Variants in CNTNAP3 observed in about 807,000 individuals in gnomAD.
CNTNAP3 encodes contactin associated protein family member 3.
Under a neutral mutation model 92.1 loss-of-function variants are expected in CNTNAP3, and 36 were observed. The observed-to-expected ratio is 0.39, with a 90% CI of 0.30 to 0.52. The LOEUF is 0.52. CNTNAP3 is among the 20% of genes least tolerant of loss of function. The pLI is 0.76. For missense variants in CNTNAP3, 534 were observed against 1,069.6 expected, an observed-to-expected ratio of 0.50 and a Z score of 6.98; for synonymous variants, 232 against 422.3, an observed-to-expected ratio of 0.55 and a Z score of 5.53.
intron 3 of CNTNAP3, among the ~76,000 whole-genome samples, chr9:39,209,681 C>CCCCTTCCT (rs1163725692): frequency 1.1e-4 from 2 of 17,996 alleles, no homozygotes; most frequent in South Asian, 0.011. Flanking sequence ...CCCCCTTCTG[C>CCCCTTCCT]CCCTTCCTCC....
chr9:39,076,291 G>A (rs1187590353), intron 23 of CNTNAP3, among the ~76,000 whole-genome samples: 7 of 152,300 alleles, frequency 4.6e-5, no homozygotes, highest in African/African-American at 9.6e-5. Flanking sequence ...GAAACCTAGC[G>A]TGAAAATGTT....
intron 14 of CNTNAP3, among the ~76,000 whole-genome samples, chr9:39,117,436 C>A (rs559694683): frequency 4.6e-5 from 7 of 152,122 alleles, no homozygotes; most frequent in South Asian, 2.1e-4. Context: ...TCAAGAGTAA[C>A]CTCAAAAAGA....
At chr9:39,285,577 T>A (rs1823032380) in intron 1 of CNTNAP3, among the ~76,000 whole-genome samples, 1 of 50,504 alleles carries the variant, frequency 2.0e-5, no homozygotes, top group African/African-American at 4.4e-5. Context: ...GCTGGAGTGC[T>A]ATGGTGGGAT....
intron 13 of CNTNAP3, among the ~76,000 whole-genome samples, chr9:39,121,150 A>G (rs1821010112): frequency 6.7e-6 from 1 of 148,384 alleles, no homozygotes; most frequent in African/African-American, 2.6e-5. Flanking sequence ...AAAATAACAC[A>G]ACGAGAAATT....
intron 18 of CNTNAP3, among the ~76,000 whole-genome samples, chr9:39,098,575 T>C (rs1268687060): frequency 6.6e-6 from 1 of 152,198 alleles, no homozygotes; most frequent in Non-Finnish European, 1.5e-5. Context: ...GGATTGGGAA[T>C]GATTTAGAAA....
intron 15 of CNTNAP3, among the ~76,000 whole-genome samples, chr9:39,108,278 C>A (rs1026388219): frequency 6.6e-6 from 1 of 152,082 alleles, no homozygotes; most frequent in African/African-American, 2.4e-5. Flanking sequence ...CCGGTCCCCC[C>A]CCTCTCTGGG....
chr9:39,079,127 T>C (rs1292505235), intron 21 of CNTNAP3, among the ~76,000 whole-genome samples: 1 of 152,068 alleles, frequency 6.6e-6, no homozygotes, highest in Non-Finnish European at 1.5e-5. Context: ...GAAAGGCAGG[T>C]TTTTAACAGA....
chr9:39,141,918 T>C (rs559519071), intron 11 of CNTNAP3, among the ~76,000 whole-genome samples: 1 of 152,242 alleles, frequency 6.6e-6, no homozygotes, highest in Non-Finnish European at 1.5e-5. Flanking sequence ...TACAATTAAT[T>C]AGTTGCACAT....
intron 14 of CNTNAP3, among the ~76,000 whole-genome samples, chr9:39,111,093 C>A (rs1303374108): frequency 6.6e-6 from 1 of 152,064 alleles, no homozygotes; most frequent in African/African-American, 2.4e-5. Flanking sequence ...GGCACATGTG[C>A]TATTTTGATA....
At chr9:39,077,630 T>C (rs1175304088) in intron 23 of CNTNAP3, among the ~76,000 whole-genome samples, 7 of 150,186 alleles carry the variant, frequency 4.7e-5, no homozygotes, top group African/African-American at 1.7e-4. Context: ...GTCATGGGAG[T>C]ATCTAAATCA....
chr9:39,134,884 T>C (rs530186761), intron 12 of CNTNAP3, among the ~76,000 whole-genome samples: 1 of 152,328 alleles, frequency 6.6e-6, no homozygotes, highest in East Asian at 1.9e-4. Flanking sequence ...TGGCCATGTG[T>C]TCATGATTTG....
rs1826636846 is a variant in CNTNAP3, at chr9:39,107,500, T to C, written c.2365+1660A>G. ...TAAGAGTTTTACACTATGGGAATAATATAAAAACCAATTCAGTAAAATAAG... is the reference window on the plus strand; with the variant it reads ...TAAGAGTTTTACACTATGGGAATAACATAAAAACCAATTCAGTAAAATAAG... On this transcript the variant is annotated intron_variant, in intron 15 of 23. Coordinates refer to ENST00000297668, the MANE Select transcript of CNTNAP3 (RefSeq NM_033655.5). 6.6e-5 allele frequency among the ~76,000 whole-genome samples: 10 copies of C among 152,036 alleles called. No homozygotes were observed. In the South Asian group the frequency reaches 1.9e-3, roughly 28 times the overall value.
chr9:39,078,393 ACAG>A lies in CNTNAP3; in HGVS notation c.3734_3736del (p.Ala1245del), dbSNP rs1825838560. Reference sequence around the variant, plus strand: ...ATTCAGGGCCTTGTTACCTCCGATGACAGCAGAGTCTCTTCTGTCTGCATTAAC... The same window carrying A: ...ATTCAGGGCCTTGTTACCTCCGATGACAGAGTCTCTTCTGTCTGCATTAAC... On this transcript the variant is annotated inframe_deletion, in exon 23 of 24. Transcript: ENST00000297668. The A allele has an allele frequency of 6.2e-7, 1 of 1,611,994 alleles. No individual in the cohort carries two copies. The highest frequency in any genetic ancestry group is 1.3e-5 in the African/African-American group (1 of 74,878).
At chr9:39,102,165 A>G (rs1302615096) in intron 17 of CNTNAP3, among the ~76,000 whole-genome samples, 1 of 152,266 alleles carries the variant, frequency 6.6e-6, no homozygotes, top group Non-Finnish European at 1.5e-5. Flanking sequence ...CTGTAATCCC[A>G]GCTACTCAGG....
chr9:39,084,775 A>C (rs1826030169), intron 21 of CNTNAP3, among the ~76,000 whole-genome samples: 1 of 152,114 alleles, frequency 6.6e-6, no homozygotes, highest in Non-Finnish European at 1.5e-5. Context: ...ACAGTTGTTC[A>C]AAGTATAAAG....
At chr9:39,152,962 A>G (rs1821875859) in intron 9 of CNTNAP3, among the ~76,000 whole-genome samples, 1 of 110,748 alleles carries the variant, frequency 9.0e-6, no homozygotes, top group Non-Finnish European at 1.8e-5. Flanking sequence ...CACAGCGCCC[A>G]GCCAGGTTAT....
At position 39,071,829 on chromosome 9, in the gene CNTNAP3, AT is replaced by A. The variant is rs1825640862; in HGVS notation, c.*2060del. Among the ~76,000 whole-genome samples the A allele has an allele frequency of 7.5e-6, 1 of 133,210 alleles. No individual in the cohort carries two copies. The highest frequency in any genetic ancestry group is 1.6e-5 in the Non-Finnish European group (1 of 64,088). The allele number at this position is 133,210 out of a possible 152,430, so 87.4% of individuals were successfully genotyped here. On this transcript the variant is annotated 3_prime_UTR_variant, in exon 24 of 24. Coordinates refer to ENST00000297668, the MANE Select transcript of CNTNAP3 (RefSeq NM_033655.5). ...AAAGGAAAAATTTAACAGATGATAA[AT>A]ATCAAACCAAAAAAGTCAACAAATC...
At chr9:39,153,858 C>T (rs1352735484) in intron 9 of CNTNAP3, among the ~76,000 whole-genome samples, 1 of 145,558 alleles carries the variant, frequency 6.9e-6, no homozygotes, top group Non-Finnish European at 1.5e-5. Flanking sequence ...CGCGTCTGGC[C>T]TAAACTTTCT....
chr9:39,131,799 G>GAGAGGCACCT (rs1821300684), intron 13 of CNTNAP3, among the ~76,000 whole-genome samples: 2 of 151,580 alleles, frequency 1.3e-5, no homozygotes, highest in Non-Finnish European at 2.9e-5. Flanking sequence ...CTGCACTCCA[G>GAGAGGCACCT]CCTGGGTGAC....
Sources: allele counts gnomAD v4.1 joint callset (sites outside exome capture counted in the v4.1 genomes callset), GRCh38; gene constraint gnomAD v4.1.1; transcripts MANE v1.5; gene names NCBI Gene and HGNC (gene_info 2026-07-23, HGNC 2026-07-21).